EBF2: variants seen among roughly 807,000 people sequenced by gnomAD.
EBF2 encodes the protein transcription factor COE2.
In EBF2, 21 loss-of-function variants were observed where a neutral mutation model predicts 72.8. The ratio of observed to expected loss-of-function variants is 0.29; its 90% CI spans 0.20 to 0.42. EBF2 has a LOEUF of 0.42. EBF2 is among the 10% of genes least tolerant of loss of function. The probability of loss-of-function intolerance (pLI) is 1.00; values close to 1 mark genes in which losing one functional copy is unlikely to be tolerated. For missense variants in EBF2, 637 were observed against 731.2 expected, an observed-to-expected ratio of 0.87 and a Z score of 1.49; for synonymous variants, 299 against 274.2, an observed-to-expected ratio of 1.09 and a Z score of -0.89.
chr8:25,952,290 A>G (rs910329252), intron 6 of EBF2, among the ~76,000 whole-genome samples: 1 of 152,216 alleles, frequency 6.6e-6, no homozygotes, highest in Non-Finnish European at 1.5e-5. Context: ...GCAAGACTCT[A>G]GTATGTTCAC....
chr8:25,844,755 A>T (rs1010554998), intron 15 of EBF2, 115 bp from the exon 16 acceptor site: 3 of 1,352,160 alleles, frequency 2.2e-6, no homozygotes, highest in South Asian at 1.2e-5. Flanking sequence ...ATTCAAGGAG[A>T]TGGTGCCCTC....
chr8:25,921,275 A>G (rs1803302256), intron 6 of EBF2, among the ~76,000 whole-genome samples: 1 of 152,210 alleles, frequency 6.6e-6, no homozygotes, highest in Non-Finnish European at 1.5e-5. Flanking sequence ...TATATTACTC[A>G]TAGTAGAGTC....
At chr8:25,920,839 C>A (rs1354338506) in intron 6 of EBF2, among the ~76,000 whole-genome samples, 4 of 151,970 alleles carry the variant, frequency 2.6e-5, no homozygotes, top group Admixed American at 2.6e-4. Context: ...CCTCCTTTCT[C>A]ACCTATCTTT....
chr8:25,913,650 C>G (rs1207891520), intron 6 of EBF2, among the ~76,000 whole-genome samples: 2 of 152,168 alleles, frequency 1.3e-5, no homozygotes, highest in African/African-American at 2.4e-5. Context: ...TTATACATCA[C>G]AGGGATGAGA....
intron 6 of EBF2, among the ~76,000 whole-genome samples, chr8:25,955,136 C>T (rs571215428): frequency 2.0e-5 from 3 of 152,234 alleles, no homozygotes; most frequent in Non-Finnish European, 4.4e-5. Context: ...GCGACAAGAG[C>T]ATACCACTCT....
At chr8:25,936,959 C>T (rs927513120) in intron 6 of EBF2, among the ~76,000 whole-genome samples, 3 of 151,994 alleles carry the variant, frequency 2.0e-5, no homozygotes, top group Middle Eastern at 3.4e-3. Flanking sequence ...TATTAAAGAC[C>T]GATAAAAAGA....
chr8:25,970,102 A>G (rs1212800096), intron 6 of EBF2, among the ~76,000 whole-genome samples: 1 of 152,106 alleles, frequency 6.6e-6, no homozygotes, highest in Non-Finnish European at 1.5e-5. Flanking sequence ...CCTCTGCTGG[A>G]TCTATTCTTT....
chr8:25,961,889 C>A (rs2117179580), intron 6 of EBF2, among the ~76,000 whole-genome samples: 1 of 152,282 alleles, frequency 6.6e-6, no homozygotes, highest in South Asian at 2.1e-4. Context: ...GTTAAAAGCT[C>A]ATTGTTAATA....
At chr8:26,001,816 T>G (rs564107180) in intron 6 of EBF2, among the ~76,000 whole-genome samples, 67 of 152,228 alleles carry the variant, frequency 4.4e-4, no homozygotes, top group African/African-American at 1.6e-3. Context: ...CCCAAAGTGC[T>G]AGGATTACAG....
Position 25,880,738 on chromosome 8 carries a change from A to G in EBF2, c.1009+6017T>C, listed in dbSNP as rs138886886. 3.9e-3 allele frequency among the ~76,000 whole-genome samples: 593 copies of G among 152,312 alleles called. 14 individuals carry two copies. Among genetic ancestry groups the G allele is most frequent in the Admixed American group, 0.037 (570 of 15,292 alleles). On this transcript the variant is annotated intron_variant, in intron 10 of 15. Coordinates refer to ENST00000520164, the MANE Select transcript of EBF2 (RefSeq NM_022659.4). ...CTTTCCTTCCCAGGTGAACTTTTGTAAAGTTTTCCCAAACATTTTGTTGCT... is the reference window on the plus strand; with the variant it reads ...CTTTCCTTCCCAGGTGAACTTTTGTGAAGTTTTCCCAAACATTTTGTTGCT...
chr8:26,041,982 T>C, intron 2 of EBF2, 113 bp downstream of exon 2: 4 of 1,458,042 alleles, frequency 2.7e-6, no homozygotes, highest in Non-Finnish European at 3.7e-6. Flanking sequence ...CCTCGATTTA[T>C]CATCCCTGAT....
At chr8:25,844,688 T>C in intron 15 of EBF2, 48 bp from the exon 16 acceptor site, 1 of 1,610,268 alleles carries the variant, frequency 6.2e-7, no homozygotes, top group Non-Finnish European at 8.5e-7. Context: ...ACTTTTTATG[T>C]TCAAGGCTAT....
At chr8:25,913,714 T>C (rs1006879167) in intron 6 of EBF2, among the ~76,000 whole-genome samples, 4 of 152,142 alleles carry the variant, frequency 2.6e-5, no homozygotes, top group Admixed American at 2.0e-4. Context: ...TGGTTCTCTT[T>C]CTCTGCCATG....
chr8:26,006,942 T>C (rs1563206558), intron 6 of EBF2, among the ~76,000 whole-genome samples: 1 of 152,212 alleles, frequency 6.6e-6, no homozygotes, highest in Non-Finnish European at 1.5e-5. Flanking sequence ...CATTTTCACC[T>C]TTTTGTCAGA....
chr8:25,849,684 T>C (rs1315274867), intron 15 of EBF2, among the ~76,000 whole-genome samples: 2 of 152,196 alleles, frequency 1.3e-5, no homozygotes, highest in African/African-American at 2.4e-5. Flanking sequence ...TGAGATGATT[T>C]TTCATATACT....
intron 5 of EBF2, among the ~76,000 whole-genome samples, chr8:26,038,868 G>A (rs1805551285): frequency 6.6e-6 from 1 of 152,198 alleles, no homozygotes; most frequent in Non-Finnish European, 1.5e-5. Context: ...GGGTTGGGGA[G>A]GGAGACAGGG....
chr8:25,884,334 A>T (rs2117287009), intron 10 of EBF2, among the ~76,000 whole-genome samples: 1 of 152,062 alleles, frequency 6.6e-6, no homozygotes, highest in South Asian at 2.1e-4. Flanking sequence ...AACCCAGCCC[A>T]AGGGAGCTCC....
At chr8:25,894,423 G>A (rs1037069180) in intron 7 of EBF2, among the ~76,000 whole-genome samples, 1 of 152,074 alleles carries the variant, frequency 6.6e-6, no homozygotes, top group Admixed American at 6.5e-5. Flanking sequence ...TTACTCCCAG[G>A]CCTTCCCCTT....
intron 1 of EBF2, among the ~76,000 whole-genome samples, chr8:26,043,475 C>T (rs985908391): frequency 1.3e-5 from 2 of 152,248 alleles, no homozygotes; most frequent in Admixed American, 6.5e-5. Context: ...CTCTGCGGTG[C>T]TGCCTTATTT....
Sources: gnomAD v4.1 joint callset for allele counts (sites outside exome capture counted in the v4.1 genomes callset) on GRCh38, gnomAD v4.1.1 for gene constraint, MANE v1.5 for transcripts, NCBI Gene and HGNC (gene_info 2026-07-23, HGNC 2026-07-21) for gene names.